Variants in LHFPL3 observed in about 807,000 individuals in gnomAD.
LHFPL3 encodes the protein LHFPL tetraspan subfamily member 3 protein.
LHFPL3 carries 5 observed loss-of-function variants against 19.3 expected under a neutral mutation model. The ratio of observed to expected loss-of-function variants is 0.26; its 90% confidence interval spans 0.14 to 0.54. The LOEUF is 0.54. LHFPL3 is among the 20% of genes least tolerant of loss of function. LHFPL3 has a pLI of 0.94. For synonymous variants in LHFPL3, 133 were observed against 126.2 expected (o/e 1.05, Z -0.36); for missense variants, 249 against 307.4 (o/e 0.81, Z 1.42).
rs1180628362 is a variant in LHFPL3, at chr7:104,480,640, T to A, written c.445+151416T>A. On this transcript the variant is annotated intron_variant, in intron 1 of 2. Coordinates refer to ENST00000424859, the MANE Select transcript of LHFPL3 (RefSeq NM_199000.3). ...TGTAAGCTGCTTTGAATCACTTCAT[T>A]AGAAAGTTAAGTGTCTGGAAAAAAA... 3.3e-5 allele frequency among the ~76,000 whole-genome samples: 5 copies of A among 152,144 alleles called. No individual in the cohort carries two copies. The East Asian group carries it at 9.6e-4, about 29-fold the overall frequency.
chr7:104,662,794 T>C (rs899107179), intron 1 of LHFPL3, among the ~76,000 whole-genome samples: 1 of 152,228 alleles, frequency 6.6e-6, no homozygotes, highest in African/African-American at 2.4e-5. Context: ...AAATGTTGAC[T>C]CAAAATAATT....
At chr7:104,405,848 G>T (rs1306727403) in intron 1 of LHFPL3, among the ~76,000 whole-genome samples, 1 of 152,140 alleles carries the variant, frequency 6.6e-6, no homozygotes. Context: ...CAGGCCAGGG[G>T]CATTCACTTC....
Position 104,329,192 on chromosome 7 carries a change from A to G in LHFPL3, c.413A>G (p.Tyr138Cys). 1 of 1,613,032 alleles carries G rather than the reference A, an allele frequency of 6.2e-7. No homozygotes were observed. The highest frequency in any genetic ancestry group is 8.5e-7 in the Non-Finnish European group (1 of 1,179,116). ...TTCTTCTGCAACACGGCCACTGTGT[A>G]CAAGATATGTGCCTGGATGCAGCTC... ...LFFFCNTATV[Y>C]KICAWMQLTS... Residue 138 changes from tyrosine to cysteine, a missense_variant, in exon 1 of 3, where the codon TAC (tyrosine) becomes TGC (cysteine). Physicochemically the swap from Tyr to Cys is radical, Grantham distance 194 (BLOSUM62 -2). Transcript: ENST00000424859.
chr7:104,747,470 AG>A (rs1477057545), intron 2 of LHFPL3, among the ~76,000 whole-genome samples: 13 of 152,250 alleles, frequency 8.5e-5, no homozygotes, highest in African/African-American at 3.1e-4. Context: ...GTTCATACAC[AG>A]GGTGATGAAA....
intron 1 of LHFPL3, among the ~76,000 whole-genome samples, chr7:104,363,657 G>C (rs1226954373): frequency 6.6e-6 from 1 of 152,234 alleles, no homozygotes; most frequent in Non-Finnish European, 1.5e-5. Context: ...GACCTTGGGA[G>C]TGAACGCCTC....
chr7:104,690,049 G>C lies in LHFPL3; in HGVS notation c.446-46626G>C, dbSNP rs563787599. ...TCAAAAACAATATTGCATTTCTGAAGGGATTGCAGAGATTAGTGCCACCAT... is the reference window on the plus strand; with the variant it reads ...TCAAAAACAATATTGCATTTCTGAACGGATTGCAGAGATTAGTGCCACCAT... On this transcript the variant is annotated intron_variant, in intron 1 of 2. Coordinates refer to ENST00000424859, the MANE Select transcript of LHFPL3 (RefSeq NM_199000.3). Among the ~76,000 whole-genome samples, 6 of 152,376 alleles carry C rather than the reference G, an allele frequency of 3.9e-5. No homozygotes were observed. The South Asian group carries it at 6.2e-4, about 16-fold the overall frequency.
chr7:104,579,700 A>T (rs1343811324), intron 1 of LHFPL3, among the ~76,000 whole-genome samples: 1 of 152,244 alleles, frequency 6.6e-6, no homozygotes, highest in Non-Finnish European at 1.5e-5. Flanking sequence ...GTTAAGCTAC[A>T]CAAGCTGAGA....
chr7:104,776,318 C>T (rs1172391718), intron 2 of LHFPL3, among the ~76,000 whole-genome samples: 1 of 152,198 alleles, frequency 6.6e-6, no homozygotes, highest in South Asian at 2.1e-4. Context: ...CAGATGCTAC[C>T]GAGGCACCCA....
chr7:104,637,176 T>C, intron 1 of LHFPL3, among the ~76,000 whole-genome samples: 1 of 152,236 alleles, frequency 6.6e-6, no homozygotes, highest in Non-Finnish European at 1.5e-5. Flanking sequence ...ACTGCACATA[T>C]GTCTTCTTTT....
At chr7:104,857,873 A>G (rs1791539470) in intron 2 of LHFPL3, among the ~76,000 whole-genome samples, 1 of 152,164 alleles carries the variant, frequency 6.6e-6, no homozygotes, top group East Asian at 1.9e-4. Flanking sequence ...AGCAGCGGGG[A>G]GTTTTCTAGC....
intron 1 of LHFPL3, among the ~76,000 whole-genome samples, chr7:104,557,296 T>A (rs1308785266): frequency 3.9e-5 from 6 of 152,210 alleles, no homozygotes; most frequent in Non-Finnish European, 8.8e-5. Flanking sequence ...AGAGGTTTAA[T>A]GGACTTACAG....
At chr7:104,497,140 T>C (rs1793497249) in intron 1 of LHFPL3, among the ~76,000 whole-genome samples, 1 of 151,708 alleles carries the variant, frequency 6.6e-6, no homozygotes, top group Admixed American at 6.6e-5. Flanking sequence ...ATTATTATCA[T>C]ACTATCGTTC....
intron 1 of LHFPL3, among the ~76,000 whole-genome samples, chr7:104,374,377 G>C (rs1790670185): frequency 1.3e-5 from 2 of 152,002 alleles, no homozygotes; most frequent in South Asian, 4.2e-4. Flanking sequence ...GAGTAGCTGG[G>C]ACTACAGGCA....
chr7:104,809,348 C>A (rs1381409185), intron 2 of LHFPL3, among the ~76,000 whole-genome samples: 1 of 152,194 alleles, frequency 6.6e-6, no homozygotes, highest in East Asian at 1.9e-4. Flanking sequence ...CCTTGAGATT[C>A]TTTTCTTAGT....
intron 1 of LHFPL3, among the ~76,000 whole-genome samples, chr7:104,677,837 A>G (rs1342683017): frequency 1.3e-5 from 2 of 152,248 alleles, no homozygotes; most frequent in African/African-American, 4.8e-5. Context: ...GACTGTTCAT[A>G]AAAGAAATTT....
chr7:104,841,221 G>A (rs1422028753), intron 2 of LHFPL3, among the ~76,000 whole-genome samples: 1 of 152,094 alleles, frequency 6.6e-6, no homozygotes, highest in African/African-American at 2.4e-5. Context: ...GCCTTAATTG[G>A]AATATCACCC....
chr7:104,678,752 A>T (rs1172282233), intron 1 of LHFPL3, among the ~76,000 whole-genome samples: 1 of 152,206 alleles, frequency 6.6e-6, no homozygotes, highest in Non-Finnish European at 1.5e-5. Context: ...AAAAAATTTC[A>T]ATTAAGCTTT....
intron 1 of LHFPL3, among the ~76,000 whole-genome samples, chr7:104,607,218 C>T (rs946909755): frequency 6.6e-6 from 1 of 152,202 alleles, no homozygotes; most frequent in African/African-American, 2.4e-5. Context: ...CTAAATTCCT[C>T]CCAAAATTAG....
At chr7:104,476,361 A>G (rs1359518470) in intron 1 of LHFPL3, among the ~76,000 whole-genome samples, 1 of 152,240 alleles carries the variant, frequency 6.6e-6, no homozygotes, top group African/African-American at 2.4e-5. Context: ...TTCAGTATGT[A>G]AGACCCACAT....
Sources: allele counts gnomAD v4.1 joint callset (sites outside exome capture counted in the v4.1 genomes callset), GRCh38; gene constraint gnomAD v4.1.1; transcripts MANE v1.5; gene names NCBI Gene and HGNC (gene_info 2026-07-23, HGNC 2026-07-21).